Variants in PCDHA10 observed in about 807,000 individuals in gnomAD.
The protein encoded by PCDHA10 is protocadherin alpha-10.
Under a neutral mutation model 61.2 loss-of-function variants are expected in PCDHA10, and 45 were observed. The ratio of observed to expected loss-of-function variants is 0.74; its 90% confidence interval spans 0.58 to 0.94. PCDHA10 has a LOEUF of 0.94. Among genes scored for constraint, PCDHA10 ranks in the 40% least tolerant of loss-of-function variants. The pLI, the probability that PCDHA10 is intolerant of heterozygous loss-of-function variation, is 0.00. For synonymous variants in PCDHA10, 602 were observed against 548.8 expected (o/e 1.10, Z -1.35); for missense variants, 1,278 against 1,236.2 (o/e 1.03, Z -0.51).
intron 3 of PCDHA10, among the ~76,000 whole-genome samples, chr5:141,004,120 T>C (rs1340380913): frequency 6.6e-6 from 1 of 152,178 alleles, no homozygotes; most frequent in African/African-American, 2.4e-5. Flanking sequence ...AAAGGGAGTA[T>C]CTCCATGATT....
At chr5:140,921,981 A>G (rs2080540156) in intron 1 of PCDHA10, among the ~76,000 whole-genome samples, 1 of 152,092 alleles carries the variant, frequency 6.6e-6, no homozygotes, top group Non-Finnish European at 1.5e-5. Flanking sequence ...AAATAGAACT[A>G]AAAAAGAGTT....
chr5:140,929,651 A>G (rs2086278415), intron 1 of PCDHA10: 2 of 358,222 alleles, frequency 5.6e-6, no homozygotes, highest in East Asian at 8.9e-5. Context: ...AAGGCACTCT[A>G]ATATTTAAAG....
Position 140,857,699 on chromosome 5 carries a change from C to T in PCDHA10, c.1651C>T (p.Gln551Ter), listed in dbSNP as rs1554150537. 1 of 1,597,158 alleles carries T rather than the reference C, an allele frequency of 6.3e-7. No homozygotes were observed. Among genetic ancestry groups the T allele is most frequent in the East Asian group, 2.2e-5 (1 of 44,798 alleles). ...VPPLGSNLTL[Q>*]VFVLDENDNA... The stretch of plus-strand genomic sequence containing the variant: ...GCCTCTGGGCAGCAACTTGACGCTG[C>T]AGGTGTTCGTGCTGGACGAGAACGA... Residue 551 changes from glutamine to a stop codon, truncating the protein, a stop_gained, in exon 1 of 4, where the codon CAG (glutamine) becomes TAG (stop). Transcript: ENST00000307360. LOFTEE classifies it high-confidence loss of function.
At chr5:140,966,937 C>A in intron 1 of PCDHA10, 1 of 1,604,032 alleles carries the variant, frequency 6.2e-7, no homozygotes. Context: ...CCGGCGCGCT[C>A]GTGGGCAACG....
At chr5:140,928,690 A>G in intron 1 of PCDHA10, 3 of 1,614,180 alleles carry the variant, frequency 1.9e-6, no homozygotes, top group Non-Finnish European at 2.5e-6. Flanking sequence ...TTCCTACCAC[A>G]TCTCCCGGGC....
intron 1 of PCDHA10, chr5:140,871,730 T>C: frequency 2.8e-6 from 2 of 714,038 alleles, no homozygotes; most frequent in Middle Eastern, 4.1e-4. Flanking sequence ...TAATATTTGG[T>C]TAGCAAATCC....
intron 1 of PCDHA10, among the ~76,000 whole-genome samples, chr5:140,971,045 T>G (rs2096453995): frequency 6.6e-6 from 1 of 152,090 alleles, no homozygotes; most frequent in Non-Finnish European, 1.5e-5. Context: ...CGTAAAAGGG[T>G]TTAGCTTTAA....
chr5:140,869,136 C>T (rs1554162510), intron 1 of PCDHA10: 5 of 1,613,054 alleles, frequency 3.1e-6, no homozygotes, highest in South Asian at 1.1e-5. Context: ...GATTGGGCAC[C>T]CCACGACTAC....
chr5:140,913,955 AT>A (rs2076529735), intron 1 of PCDHA10, among the ~76,000 whole-genome samples: 2 of 152,108 alleles, frequency 1.3e-5, no homozygotes, highest in African/African-American at 2.4e-5. Context: ...ATATGATATC[AT>A]TTTTAAAAAA....
At chr5:140,955,797 T>C (rs1374924586) in intron 1 of PCDHA10, among the ~76,000 whole-genome samples, 3 of 152,212 alleles carry the variant, frequency 2.0e-5, no homozygotes, top group Non-Finnish European at 4.4e-5. Flanking sequence ...TGTTTTTCTA[T>C]TTGTTTGTGT....
At chr5:140,858,464 T>C in intron 1 of PCDHA10, 28 bp downstream of exon 1, 6 of 1,523,496 alleles carry the variant, frequency 3.9e-6, no homozygotes, top group South Asian at 1.2e-5. Context: ...CATTTTCCTT[T>C]TGTGCTTTAT....
intron 1 of PCDHA10, chr5:140,877,898 A>G: frequency 6.9e-7 from 1 of 1,445,150 alleles, no homozygotes. Context: ...CGTTTAGGTT[A>G]TAACTACATT....
At chr5:140,921,676 T>A (rs2080324583) in intron 1 of PCDHA10, among the ~76,000 whole-genome samples, 1 of 152,178 alleles carries the variant, frequency 6.6e-6, no homozygotes, top group South Asian at 2.1e-4. Flanking sequence ...ACAGTTATCA[T>A]CAAACACTGG....
At chr5:140,947,647 A>G (rs1192426462) in intron 1 of PCDHA10, among the ~76,000 whole-genome samples, 1 of 151,646 alleles carries the variant, frequency 6.6e-6, no homozygotes, top group African/African-American at 2.4e-5. Flanking sequence ...ATGAACATAT[A>G]TACCTCCATT....
At position 140,872,763 on chromosome 5, in the gene PCDHA10, G is replaced by T. The variant is rs560485194; in HGVS notation, c.2388+14327G>T. The stretch of plus-strand genomic sequence containing the variant: ...AACTTGCTAAAGACATGCATATAGG[G>T]CTATATTATCTATAATATATGCTAG... On this transcript the variant is annotated intron_variant, in intron 1 of 3. Transcript: ENST00000307360. Among the ~76,000 whole-genome samples, 293 of 152,126 alleles carry T rather than the reference G, an allele frequency of 1.9e-3. 2 individuals are homozygous for T. The highest frequency in any genetic ancestry group is 3.6e-3 in the Non-Finnish European group (245 of 67,974).
chr5:140,889,551 C>A (rs981990006), intron 1 of PCDHA10, among the ~76,000 whole-genome samples: 1 of 152,074 alleles, frequency 6.6e-6, no homozygotes, highest in Non-Finnish European at 1.5e-5. Flanking sequence ...ATTTACTTTT[C>A]TTCAGAATTC....
chr5:140,938,760 T>C (rs574872397), intron 1 of PCDHA10, among the ~76,000 whole-genome samples: 2 of 152,286 alleles, frequency 1.3e-5, no homozygotes, highest in Admixed American at 1.3e-4. Flanking sequence ...GCATAGTTAT[T>C]GGGTACTAGA....
At chr5:140,956,003 C>T (rs2153708657) in intron 1 of PCDHA10, among the ~76,000 whole-genome samples, 1 of 152,232 alleles carries the variant, frequency 6.6e-6, no homozygotes, top group East Asian at 1.9e-4. Flanking sequence ...ATTTTGTATC[C>T]TGAGACTTTG....
Position 140,883,762 on chromosome 5 carries a change from G to A in PCDHA10, c.2388+25326G>A, listed in dbSNP as rs782515575. 5 of 1,612,794 alleles carry A rather than the reference G, an allele frequency of 3.1e-6. No homozygotes were observed. The South Asian group carries it at 5.5e-5, about 18-fold the overall frequency. On this transcript the variant is annotated intron_variant, in intron 1 of 3. Coordinates refer to ENST00000307360, the MANE Select transcript of PCDHA10 (RefSeq NM_018901.4). ...TCTCCTACTCGCTGGTGGAGCGGCG[G>A]GTGGGCGAGCGTGCGCTGTCGAGCT... is the stretch of plus-strand genomic sequence containing the variant.
Sources: allele counts gnomAD v4.1 joint callset (sites outside exome capture counted in the v4.1 genomes callset), GRCh38; gene constraint gnomAD v4.1.1; transcripts MANE v1.5; gene names NCBI Gene and HGNC (gene_info 2026-07-23, HGNC 2026-07-21).